The following IGF1R variants were observed in gnomAD, a reference collection of about 807,000 sequenced individuals.
IGF1R encodes the protein insulin-like growth factor 1 receptor.
A neutral mutation model predicts 144.6 loss-of-function variants in IGF1R; 44 were observed. The observed-to-expected ratio is 0.30, with a 90% CI of 0.24 to 0.39. The LOEUF (loss-of-function observed/expected upper bound fraction) is 0.39, where lower values mean the gene tolerates loss of function less well. IGF1R is among the 10% of genes least tolerant of loss of function. IGF1R has a pLI of 1.00. For missense variants in IGF1R, 1,355 were observed against 1,833.7 expected, an observed-to-expected ratio of 0.74 and a Z score of 4.77; for synonymous variants, 795 against 722.8, an observed-to-expected ratio of 1.10 and a Z score of -1.60.
Position 98,891,311 on chromosome 15 carries a change from C to G in IGF1R, c.641-14C>G, listed in dbSNP as rs200261849. On this transcript the variant is annotated splice_polypyrimidine_tract_variant and intron_variant, in intron 2 of 20. Coordinates refer to ENST00000650285, the MANE Select transcript of IGF1R (RefSeq NM_000875.5). The surrounding 1 kb of genome is among the most constrained non-coding windows in gnomAD (Gnocchi z 4.7). ...CTGCCCGGTCTCATCTCCGTCTCTC[C>G]TCTCTCTCCACAGTGTGCCCAAGCA... 1 of 1,604,064 alleles carries G rather than the reference C, an allele frequency of 6.2e-7. No individual in the cohort carries two copies. The highest frequency in any genetic ancestry group is 1.1e-5 in the South Asian group (1 of 90,920).
chr15:98,682,045 C>CAT (rs1421358737), intron 1 of IGF1R, among the ~76,000 whole-genome samples: 1 of 152,100 alleles, frequency 6.6e-6, no homozygotes, highest in African/African-American at 2.4e-5. Flanking sequence ...GGTCCTCAGG[C>CAT]ATAGGGTCTT....
chr15:98,841,676 A>G (rs539423330), intron 2 of IGF1R, among the ~76,000 whole-genome samples: 2 of 152,344 alleles, frequency 1.3e-5, no homozygotes, highest in East Asian at 1.9e-4. Context: ...AAATACAGAA[A>G]CAAACAACTT....
rs869208651 is a variant in IGF1R, at chr15:98,661,956, C to CTTTTTTT, written c.94+12301_94+12307dup. ...GAATTGCTGCCAGTTGAATAGGGCC[C>CTTTTTTT]TTTTTTTTTTTTTTTTTTTTTTTTT... On this transcript the variant is annotated intron_variant, in intron 1 of 20. Transcript: ENST00000650285. 3.6e-4 allele frequency among the ~76,000 whole-genome samples: 38 copies of CTTTTTTT among 105,718 alleles called. 2 individuals are homozygous for CTTTTTTT. Among genetic ancestry groups the CTTTTTTT allele is most frequent in the Admixed American group, 1.5e-3 (15 of 10,200 alleles). The allele number at this position is 105,718 out of a possible 152,430, so 69.4% of individuals were successfully genotyped here.
At chr15:98,853,351 A>T (rs1434887305) in intron 2 of IGF1R, among the ~76,000 whole-genome samples, 1 of 152,144 alleles carries the variant, frequency 6.6e-6, no homozygotes, top group African/African-American at 2.4e-5. Context: ...ATTATTTGCG[A>T]CAGGGCTGCC....
chr15:98,948,670 C>A lies in IGF1R; in HGVS notation c.3684C>A (p.Gly1228=), dbSNP rs758048090. ...AAGTCCTTCGCTTCGTCATGGAGGG[C>A]GGCCTTCTGGACAAGCCAGACAACT... ...NEQVLRFVME[G]GLLDKPDNCP... is the part of the protein sequence containing the mutation. The change falls in exon 20 of 21, where the codon GGC becomes GGA. Residue 1228 remains glycine (G), a synonymous_variant. Transcript: ENST00000650285. 3 of 1,614,134 alleles carry A rather than the reference C, an allele frequency of 1.9e-6. No individual in the cohort carries two copies. Among genetic ancestry groups the A allele is most frequent in the Non-Finnish European group, 2.5e-6 (3 of 1,180,016 alleles).
chr15:98,719,469 A>G (rs2054197004), intron 2 of IGF1R, among the ~76,000 whole-genome samples: 4 of 152,174 alleles, frequency 2.6e-5, no homozygotes. Flanking sequence ...TGAGGGGGGA[A>G]AAAGATCCTC....
rs972383434 is a variant in IGF1R, at chr15:98,648,643, G to C, written c.-939G>C. ...AAAGGGAAAAAACCCGAGGAGGAGC[G>C]AGCGCACCAGGCGAACTCGAGAGAG... On this transcript the variant is annotated 5_prime_UTR_variant, in exon 1 of 21. Coordinates refer to ENST00000650285, the MANE Select transcript of IGF1R (RefSeq NM_000875.5). Among the ~76,000 whole-genome samples the C allele has an allele frequency of 5.2e-4, 76 of 146,978 alleles. No homozygotes were observed. Among genetic ancestry groups the C allele is most frequent in the African/African-American group, 1.4e-3 (57 of 40,832 alleles).
rs374066385 is a variant in IGF1R at position 98,875,344 on chromosome 15, C to A, written c.641-15981C>A. 1.3e-4 allele frequency among the ~76,000 whole-genome samples: 16 copies of A among 121,504 alleles called. No individual in the cohort carries two copies. The Admixed American group carries it at 1.5e-3, about 11-fold the overall frequency. 79.7% of individuals were successfully genotyped at this position (121,504 alleles called of 152,430 possible). A position where few individuals can be genotyped will look rare whatever the true frequency, so the allele number is the denominator to read the frequency against. On this transcript the variant is annotated intron_variant, in intron 2 of 20. Coordinates refer to ENST00000650285, the MANE Select transcript of IGF1R (RefSeq NM_000875.5). The stretch of plus-strand genomic sequence containing the variant: ...TTAGTTTCTTTCTTTCTTTTCTTTT[C>A]TTTTCTTTTTTTTTTTTTTTTAGGT...
Position 98,779,488 on chromosome 15 carries a change from C to A in IGF1R, c.640+71381C>A, listed in dbSNP as rs76530533. 3.9e-3 allele frequency among the ~76,000 whole-genome samples: 597 copies of A among 152,298 alleles called. 5 individuals carry two copies. Among genetic ancestry groups the A allele is most frequent in the African/African-American group, 0.013 (527 of 41,550 alleles). ...GTTAGGTAAGTACTGCTATTCCCAC[C>A]GTACAGATGAGGAAACAGCCTCAGA... On this transcript the variant is annotated intron_variant, in intron 2 of 20. Coordinates refer to ENST00000650285, the MANE Select transcript of IGF1R (RefSeq NM_000875.5).
intron 1 of IGF1R, among the ~76,000 whole-genome samples, chr15:98,675,826 C>CTTTTTTTTTT (rs869068918): frequency 1.1e-3 from 50 of 46,148 alleles, no homozygotes; most frequent in African/African-American, 1.8e-3. Context: ...TTCTTTCTTT[C>CTTTTTTTTTT]TTTTTTTTTT....
At chr15:98,763,572 C>T (rs2141357151) in intron 2 of IGF1R, among the ~76,000 whole-genome samples, 1 of 152,048 alleles carries the variant, frequency 6.6e-6, no homozygotes, top group South Asian at 2.1e-4. Context: ...CATTGTAAAC[C>T]GTGTTAACAG....
chr15:98,858,079 G>A (rs1208713782), intron 2 of IGF1R, among the ~76,000 whole-genome samples: 1 of 152,212 alleles, frequency 6.6e-6, no homozygotes, highest in African/African-American at 2.4e-5. Flanking sequence ...AAGCGTTAAG[G>A]AAAATGATTA....
chr15:98,804,378 G>C (rs888207924), intron 2 of IGF1R, among the ~76,000 whole-genome samples: 1 of 152,202 alleles, frequency 6.6e-6, no homozygotes, highest in African/African-American at 2.4e-5. Flanking sequence ...AGTAACCCGC[G>C]TTTGGAGGAC....
chr15:98,746,089 T>C (rs1032129655), intron 2 of IGF1R, among the ~76,000 whole-genome samples: 1 of 152,168 alleles, frequency 6.6e-6, no homozygotes, highest in Admixed American at 6.5e-5. Context: ...ATCTCCAGTA[T>C]ATTAGGTGGA....
At chr15:98,753,045 C>CCTGCCTCA (rs1450924834) in intron 2 of IGF1R, among the ~76,000 whole-genome samples, 4 of 150,422 alleles carry the variant, frequency 2.7e-5, no homozygotes, top group Non-Finnish European at 5.9e-5. Context: ...AAGCGATTCT[C>CCTGCCTCA]CTGCCTCAGC....
intron 20 of IGF1R, among the ~76,000 whole-genome samples, chr15:98,955,650 T>A (rs8033670): frequency 0.57 from 86,613 of 152,030 alleles, 25,909 homozygotes; most frequent in African/African-American, 0.77. Context: ...AGGTTGCACC[T>A]TCTCCACCTG....
At chr15:98,772,510 A>ATTATTATTATTATTATTG (rs60796484) in intron 2 of IGF1R, among the ~76,000 whole-genome samples, 8,001 of 141,882 alleles carry the variant, frequency 0.056, 341 homozygotes, top group Middle Eastern at 0.077. Context: ...TATTATTATT[A>ATTATTATTATTATTATTG]TTATTTTAAG....
chr15:98,879,009 A>G (rs376047093), intron 2 of IGF1R, among the ~76,000 whole-genome samples: 251 of 152,148 alleles, frequency 1.6e-3, no homozygotes, highest in South Asian at 0.012. Context: ...GAAAAAAAAA[A>G]TAGGGGGGAT....
chr15:98,911,563 C>A, intron 7 of IGF1R, 122 bp downstream of exon 7: 1 of 1,264,586 alleles, frequency 7.9e-7, no homozygotes, highest in Non-Finnish European at 1.1e-6. Context: ...CAGGGAGAGC[C>A]ACGCCAAACA....
Sources: allele counts gnomAD v4.1 joint callset (sites outside exome capture counted in the v4.1 genomes callset), GRCh38; gene constraint gnomAD v4.1.1; non-coding constraint Gnocchi (gnomAD v3.1); transcripts MANE v1.5; gene names NCBI Gene and HGNC (gene_info 2026-07-23, HGNC 2026-07-21).